CNTN4: variants seen among roughly 807,000 people sequenced by gnomAD.
The protein encoded by CNTN4 is contactin-4.
CNTN4 carries 77 observed loss-of-function variants against 122.5 expected under a neutral mutation model. That is an observed-to-expected ratio of 0.63 (90% confidence interval 0.52 to 0.76). The LOEUF is 0.76. Among genes scored for constraint, CNTN4 ranks in the 30% least tolerant of loss-of-function variants. The probability of loss-of-function intolerance (pLI) is 0.00; values close to 1 mark genes in which losing one functional copy is unlikely to be tolerated. For synonymous variants in CNTN4, 512 were observed against 447.0 expected (o/e 1.15, Z -1.83); for missense variants, 1,256 against 1,259.1 (o/e 1.00, Z 0.04).
intron 3 of CNTN4, among the ~76,000 whole-genome samples, chr3:2,360,086 A>G (rs986950770): frequency 6.6e-5 from 10 of 152,222 alleles, no homozygotes; most frequent in Non-Finnish European, 1.3e-4. Context: ...TTTCTGTCAT[A>G]TGAACAGATT....
At chr3:2,657,745 G>A (rs1434809447) in intron 4 of CNTN4, among the ~76,000 whole-genome samples, 1 of 151,920 alleles carries the variant, frequency 6.6e-6, no homozygotes, top group African/African-American at 2.4e-5. Context: ...TGCAGTTACT[G>A]TTTTCTAATG....
intron 12 of CNTN4, among the ~76,000 whole-genome samples, chr3:2,908,110 G>C (rs1577230068): frequency 6.6e-6 from 1 of 152,044 alleles, no homozygotes; most frequent in Non-Finnish European, 1.5e-5. Flanking sequence ...CAACTCCCTG[G>C]GTGATAACCA....
chr3:2,952,258 T>A (rs187188357), intron 13 of CNTN4, among the ~76,000 whole-genome samples: 1 of 131,526 alleles, frequency 7.6e-6, no homozygotes, highest in African/African-American at 2.5e-5. Context: ...TCCCTATGTA[T>A]GTTGAACTCT....
At chr3:2,450,140 G>C (rs2048773288) in intron 3 of CNTN4, among the ~76,000 whole-genome samples, 1 of 152,148 alleles carries the variant, frequency 6.6e-6, no homozygotes, top group Non-Finnish European at 1.5e-5. Context: ...GCCAAGATGG[G>C]TGGATCACTT....
chr3:2,274,936 C>G (rs1259456631), intron 2 of CNTN4, among the ~76,000 whole-genome samples: 1 of 152,044 alleles, frequency 6.6e-6, no homozygotes, highest in Non-Finnish European at 1.5e-5. Flanking sequence ...TCAAAGGGCA[C>G]AGGATGAGGA....
chr3:2,793,334 A>C (rs2092071460), intron 6 of CNTN4, among the ~76,000 whole-genome samples: 1 of 152,072 alleles, frequency 6.6e-6, no homozygotes, highest in African/African-American at 2.4e-5. Flanking sequence ...ACCTTGTCAG[A>C]TGAGGTCCAA....
At chr3:2,217,692 G>GAC in intron 2 of CNTN4, among the ~76,000 whole-genome samples, 1 of 151,394 alleles carries the variant, frequency 6.6e-6, no homozygotes. Flanking sequence ...AAGAGAGAGA[G>GAC]AAAAAAATCT....
At chr3:2,756,804 AGGGAAAGATTCTCT>A (rs1201750606) in intron 6 of CNTN4, among the ~76,000 whole-genome samples, 14 of 152,214 alleles carry the variant, frequency 9.2e-5, no homozygotes, top group Non-Finnish European at 2.1e-4. Context: ...TAGAAGAAGC[AGGGAAAGATTCTCT>A]CCTAGAGCCT....
At position 2,438,841 on chromosome 3, in the gene CNTN4, T is replaced by G. The variant is rs147394564; in HGVS notation, c.-89+99608T>G. On this transcript the variant is annotated intron_variant, in intron 3 of 24. Transcript: ENST00000418658. ...AACAGGATATGAAGCCATTTCTGAT[T>G]GACTGATCTGATTAACATCTGCAGC... Among the ~76,000 whole-genome samples the G allele has an allele frequency of 2.8e-3, 431 of 152,300 alleles. 2 individuals are homozygous for G. Among genetic ancestry groups the G allele is most frequent in the African/African-American group, 9.8e-3 (407 of 41,574 alleles).
intron 8 of CNTN4, among the ~76,000 whole-genome samples, chr3:2,869,264 A>G (rs1179992930): frequency 1.3e-5 from 2 of 152,186 alleles, no homozygotes; most frequent in African/African-American, 4.8e-5. Flanking sequence ...AACAATAGTG[A>G]AAACTGGAAA....
At chr3:2,863,104 C>T (rs369762995) in intron 7 of CNTN4, among the ~76,000 whole-genome samples, 2 of 152,190 alleles carry the variant, frequency 1.3e-5, no homozygotes, top group Non-Finnish European at 2.9e-5. Context: ...AGTTGTACTA[C>T]ACTTTTTGCC....
chr3:2,436,092 A>G (rs1459301996), intron 3 of CNTN4, among the ~76,000 whole-genome samples: 2 of 152,188 alleles, frequency 1.3e-5, no homozygotes, highest in African/African-American at 4.8e-5. Context: ...TTGAGAGAGC[A>G]GTAGCTGGAG....
chr3:3,043,304 A>ACCTTTC (rs1700331677), intron 22 of CNTN4, 141 bp downstream of exon 22: 1 of 881,768 alleles, frequency 1.1e-6, no homozygotes, highest in African/African-American at 1.7e-5. Flanking sequence ...TTTTAACTGA[A>ACCTTTC]CCTTTCCGTA....
At chr3:2,708,351 C>T (rs762376875) in intron 4 of CNTN4, among the ~76,000 whole-genome samples, 114 of 152,050 alleles carry the variant, frequency 7.5e-4, no homozygotes, top group Non-Finnish European at 1.1e-3. Context: ...CATCCAAATA[C>T]GACTTAAAAG....
intron 3 of CNTN4, among the ~76,000 whole-genome samples, chr3:2,482,491 A>G (rs190538240): frequency 1.4e-3 from 211 of 152,240 alleles, no homozygotes; most frequent in Non-Finnish European, 2.3e-3. Flanking sequence ...TTCCATAAGT[A>G]ATAAGGAGCT....
chr3:2,133,096 T>C (rs2034527639), intron 2 of CNTN4, among the ~76,000 whole-genome samples: 1 of 151,936 alleles, frequency 6.6e-6, no homozygotes, highest in Non-Finnish European at 1.5e-5. Context: ...CAGTAGTAGG[T>C]TGGATAGGAG....
intron 5 of CNTN4, among the ~76,000 whole-genome samples, chr3:2,743,680 A>G (rs2089594300): frequency 6.6e-6 from 1 of 152,252 alleles, no homozygotes; most frequent in Non-Finnish European, 1.5e-5. Context: ...TGAGAGTGTT[A>G]GATTTTAGAT....
intron 2 of CNTN4, among the ~76,000 whole-genome samples, chr3:2,234,825 C>A (rs945796805): frequency 6.6e-6 from 1 of 151,922 alleles, no homozygotes; most frequent in African/African-American, 2.4e-5. Context: ...ATTTCTTTGC[C>A]AGAGGAACAT....
intron 4 of CNTN4, among the ~76,000 whole-genome samples, chr3:2,658,087 C>T (rs1447799533): frequency 6.7e-6 from 1 of 149,766 alleles, no homozygotes; most frequent in Non-Finnish European, 1.5e-5. Flanking sequence ...TCATTTAATG[C>T]TGTGCTTATG....
Sources: gnomAD v4.1 joint callset for allele counts (sites outside exome capture counted in the v4.1 genomes callset) on GRCh38, gnomAD v4.1.1 for gene constraint, MANE v1.5 for transcripts, NCBI Gene and HGNC (gene_info 2026-07-23, HGNC 2026-07-21) for gene names.